The following MYO9B variants were observed in gnomAD, a reference collection of about 807,000 sequenced individuals.
The protein encoded by MYO9B is unconventional myosin-IXb.
MYO9B carries 71 observed loss-of-function variants against 229.5 expected under a neutral mutation model. That is an observed-to-expected ratio of 0.31 (90% confidence interval 0.26 to 0.38). The LOEUF is 0.38. MYO9B is among the 10% of genes least tolerant of loss of function. MYO9B has a pLI of 1.00. For synonymous variants in MYO9B, 1,185 were observed against 1,235.8 expected (o/e 0.96, Z 0.86); for missense variants, 2,255 against 2,920.5 (o/e 0.77, Z 5.25).
At chr19:17,156,332 T>C (rs2072537410) in intron 6 of MYO9B, among the ~76,000 whole-genome samples, 1 of 151,980 alleles carries the variant, frequency 6.6e-6, no homozygotes, top group African/African-American at 2.4e-5. Context: ...GAGGCTCAAC[T>C]GAGCCCGGGG....
chr19:17,200,236 G>T, intron 24 of MYO9B, 57 bp from the exon 25 acceptor site: 1 of 1,569,610 alleles, frequency 6.4e-7, no homozygotes, highest in Non-Finnish European at 8.6e-7. Context: ...AGGGAGGCTG[G>T]GCCTCACGTC....
intron 1 of MYO9B, among the ~76,000 whole-genome samples, chr19:17,100,858 C>A (rs1320916723): frequency 6.6e-6 from 1 of 151,940 alleles, no homozygotes; most frequent in African/African-American, 2.4e-5. Context: ...TTTCAAGGAC[C>A]CTGGAGTTTT....
intron 3 of MYO9B, among the ~76,000 whole-genome samples, chr19:17,152,334 C>G (rs1415678062): frequency 5.3e-5 from 8 of 152,320 alleles, no homozygotes; most frequent in African/African-American, 1.4e-4. Context: ...GTGCAGATCA[C>G]TTGACATAGG....
intron 2 of MYO9B, among the ~76,000 whole-genome samples, chr19:17,117,937 CA>C (rs567862829): frequency 0.077 from 6,987 of 91,324 alleles, 391 homozygotes; most frequent in African/African-American, 0.24. Flanking sequence ...CACTCTTCCT[CA>C]AAAAAAAAAA....
At chr19:17,191,289 A>T in intron 20 of MYO9B, 70 bp downstream of exon 20, 1 of 1,491,558 alleles carries the variant, frequency 6.7e-7, no homozygotes, top group South Asian at 1.3e-5. Flanking sequence ...GTGTCTCCCC[A>T]GGCCCCCAGG....
chr19:17,191,755 C>T (rs2072987535), intron 20 of MYO9B, among the ~76,000 whole-genome samples: 1 of 151,834 alleles, frequency 6.6e-6, no homozygotes, highest in Non-Finnish European at 1.5e-5. Flanking sequence ...GTGGGAGGAT[C>T]CCTTGAGCCC....
rs573431738 is a variant in MYO9B at position 17,141,967 on chromosome 19, G to A, written c.841-3430G>A. Among the ~76,000 whole-genome samples, 52 of 152,136 alleles carry A rather than the reference G, an allele frequency of 3.4e-4. No individual in the cohort carries two copies. In the Middle Eastern group the frequency reaches 0.014, roughly 40 times the overall value. ...CGAGTTGGAAGGATCGCTTGAGGCC[G>A]GGAGTTCAAGACCAGCCTGGGCAAC... On this transcript the variant is annotated intron_variant, in intron 2 of 39. Coordinates refer to ENST00000682292, the MANE Select transcript of MYO9B (RefSeq NM_004145.4).
chr19:17,154,433 C>A lies in MYO9B; in HGVS notation c.1199+18C>A. On this transcript the variant is annotated intron_variant, in intron 6 of 39. Transcript: ENST00000682292. ...AAGAAGCAGTAAGTGTGCGGGCTCCCGGGGCCTGTCCCCCAGAGCCTACAG... is the reference window on the plus strand; with the variant it reads ...AAGAAGCAGTAAGTGTGCGGGCTCCAGGGGCCTGTCCCCCAGAGCCTACAG... 2 of 1,593,394 alleles carry A rather than the reference C, an allele frequency of 1.3e-6. No individual in the cohort carries two copies. The highest frequency in any genetic ancestry group is 1.1e-5 in the South Asian group (1 of 90,366).
At chr19:17,139,411 C>T (rs12978448) in intron 2 of MYO9B, among the ~76,000 whole-genome samples, 33,245 of 150,970 alleles carry the variant, frequency 0.22, 4,500 homozygotes, top group African/African-American at 0.39. Context: ...ATCACACCAC[C>T]GCACTCCAGC....
intron 1 of MYO9B, among the ~76,000 whole-genome samples, chr19:17,085,581 T>G (rs1485009963): frequency 6.6e-6 from 1 of 151,792 alleles, no homozygotes; most frequent in Non-Finnish European, 1.5e-5. Flanking sequence ...TCCAGCTCTT[T>G]GGGAGGCTGA....
Position 17,206,230 on chromosome 19 carries a change from ACCCC to A in MYO9B, c.5258-17_5258-14del. On this transcript the variant is annotated splice_polypyrimidine_tract_variant and intron_variant, in intron 32 of 39. Transcript: ENST00000682292. ...TGCCAGTGCGCCGCTCACCAGACCC[ACCCC>A]ACCCACCCCACAGACCCCGCAGCAG... is the stretch of plus-strand genomic sequence containing the variant. The A allele has an allele frequency of 2.5e-6, 1 of 407,810 alleles. No homozygotes were observed. Among genetic ancestry groups the A allele is most frequent in the South Asian group, 3.1e-5 (1 of 32,272 alleles). 25.3% of individuals were successfully genotyped at this position (407,810 alleles called of 1,614,324 possible). A position where few individuals can be genotyped will look rare whatever the true frequency, so the allele number is the denominator to read the frequency against.
At chr19:17,158,268 A>C (rs563809647) in intron 7 of MYO9B, among the ~76,000 whole-genome samples, 1 of 152,248 alleles carries the variant, frequency 6.6e-6, no homozygotes, top group African/African-American at 2.4e-5. Context: ...ATCTGCTGGG[A>C]TATTTAGAGA....
chr19:17,128,554 C>T (rs994766911), intron 2 of MYO9B, among the ~76,000 whole-genome samples: 20 of 152,352 alleles, frequency 1.3e-4, no homozygotes, highest in African/African-American at 4.1e-4. Context: ...GGACAGGGCA[C>T]TGCCCATAGG....
At chr19:17,076,230 G>T (rs2123402587) in intron 1 of MYO9B, among the ~76,000 whole-genome samples, 1 of 152,018 alleles carries the variant, frequency 6.6e-6, no homozygotes, top group African/African-American at 2.4e-5. Context: ...CAGGCTGGGG[G>T]AGTGGGCAAG....
rs776923394 is a variant in MYO9B, at chr19:17,201,876, G to A, written c.4564-50G>A. ...ACCCCTTGGGCACCTCCTCGGGTAC[G>A]CAGGTCCCCAGGCCTGAGGCACGCA... is the stretch of plus-strand genomic sequence containing the variant. On this transcript the variant is annotated intron_variant, in intron 26 of 39. Coordinates refer to ENST00000682292, the MANE Select transcript of MYO9B (RefSeq NM_004145.4). 48 of 1,426,552 alleles carry A rather than the reference G, an allele frequency of 3.4e-5. 1 individual carries two copies. In the South Asian group the frequency reaches 4.4e-4, roughly 13 times the overall value. The allele number at this position is 1,426,552 out of a possible 1,614,324, so 88.4% of individuals were successfully genotyped here. A position where few individuals can be genotyped will look rare whatever the true frequency, so the allele number is the denominator to read the frequency against.
intron 1 of MYO9B, among the ~76,000 whole-genome samples, chr19:17,096,822 C>T (rs2057697366): frequency 6.6e-6 from 1 of 150,644 alleles, no homozygotes; most frequent in South Asian, 2.1e-4. Flanking sequence ...TCTCCTGCCT[C>T]AGCCTCCCGA....
intron 8 of MYO9B, among the ~76,000 whole-genome samples, chr19:17,160,802 C>T (rs2072592204): frequency 6.6e-6 from 1 of 152,064 alleles, no homozygotes; most frequent in African/African-American, 2.4e-5. Flanking sequence ...AGGGTTCAAG[C>T]AATTCTCCTG....
At chr19:17,170,621 G>A (rs1158585753) in intron 11 of MYO9B, among the ~76,000 whole-genome samples, 1 of 135,226 alleles carries the variant, frequency 7.4e-6, no homozygotes, top group Non-Finnish European at 1.5e-5. Flanking sequence ...GACCAGCCTG[G>A]GCACCATAGT....
intron 1 of MYO9B, among the ~76,000 whole-genome samples, chr19:17,089,257 A>G (rs1055871699): frequency 2.6e-5 from 4 of 151,528 alleles, no homozygotes; most frequent in Admixed American, 6.6e-5. Flanking sequence ...CATACTGCCC[A>G]TGAGCGTTTC....
Sources: allele counts gnomAD v4.1 joint callset (sites outside exome capture counted in the v4.1 genomes callset), GRCh38; gene constraint gnomAD v4.1.1; transcripts MANE v1.5; gene names NCBI Gene and HGNC (gene_info 2026-07-23, HGNC 2026-07-21).